Variants in CLASP2 observed in about 807,000 individuals in gnomAD.
CLASP2 encodes the protein cytoplasmic linker associated protein 2.
Under a neutral mutation model 194.4 loss-of-function variants are expected in CLASP2, and 47 were observed. The observed-to-expected ratio is 0.24, with a 90% CI of 0.19 to 0.31. The LOEUF (loss-of-function observed/expected upper bound fraction) is 0.31, where lower values mean the gene tolerates loss of function less well. Among genes scored for constraint, CLASP2 ranks in the 10% least tolerant of loss-of-function variants. The pLI is 1.00. For synonymous variants in CLASP2, 619 were observed against 633.5 expected (o/e 0.98, Z 0.34); for missense variants, 1,445 against 1,823.6 (o/e 0.79, Z 3.78).
intron 33 of CLASP2, among the ~76,000 whole-genome samples, chr3:33,538,234 A>G (rs1016481471): frequency 6.6e-6 from 1 of 152,122 alleles, no homozygotes; most frequent in Admixed American, 6.5e-5. Context: ...CTAGTCCTCA[A>G]CTATACAAAG....
At chr3:33,586,551 G>A (rs1424735381) in intron 21 of CLASP2, among the ~76,000 whole-genome samples, 1 of 152,112 alleles carries the variant, frequency 6.6e-6, no homozygotes, top group Non-Finnish European at 1.5e-5. Context: ...TTAAAAACAT[G>A]TTTTTAAACT....
At chr3:33,577,320 G>T in intron 23 of CLASP2, 2 of 1,398,876 alleles carry the variant, frequency 1.4e-6, no homozygotes, top group Non-Finnish European at 1.0e-6. Context: ...AAGGAATAGT[G>T]GCAGCACTAC....
At chr3:33,706,830 T>A (rs1240129764) in intron 1 of CLASP2, among the ~76,000 whole-genome samples, 1 of 151,862 alleles carries the variant, frequency 6.6e-6, no homozygotes, top group Non-Finnish European at 1.5e-5. Flanking sequence ...TTGGGCATGG[T>A]GGTGTGCGCC....
At chr3:33,537,552 A>T (rs1044340644) in intron 33 of CLASP2, among the ~76,000 whole-genome samples, 3 of 152,198 alleles carry the variant, frequency 2.0e-5, no homozygotes, top group Non-Finnish European at 4.4e-5. Context: ...AAAGTAAAAA[A>T]CTATTCTGTG....
At chr3:33,602,755 A>G in intron 18 of CLASP2, 197 bp downstream of exon 18, 1 of 688,662 alleles carries the variant, frequency 1.5e-6, no homozygotes, top group South Asian at 1.6e-5. Flanking sequence ...GATCAAGACG[A>G]TGATGAGAAC....
chr3:33,571,125 T>C (rs946623488), intron 25 of CLASP2, among the ~76,000 whole-genome samples: 3 of 150,692 alleles, frequency 2.0e-5, no homozygotes, highest in Admixed American at 1.3e-4. Context: ...GCCATTCTCC[T>C]GCCTCAGCCT....
At chr3:33,684,148 G>A (rs2090274022) in intron 6 of CLASP2, among the ~76,000 whole-genome samples, 1 of 151,680 alleles carries the variant, frequency 6.6e-6, no homozygotes, top group South Asian at 2.1e-4. Flanking sequence ...GGGAGGCTGA[G>A]GCAGAAGAAT....
In CLASP2 at chr3:33,596,723, C is replaced by A; in HGVS notation, c.1936G>T (p.Asp646Tyr). ...GSYASLEDTSDKLDGTASEDG... is the reference protein window; with the variant it reads ...GSYASLEDTSYKLDGTASEDG... ...AGGAAGTTCTTACCATCCAGCTTGT[C>A]AGAAGTATCCTCTTTGATGAAAGCA... The change falls in exon 19 of 39, where the codon GAC becomes TAC. Residue 646 changes from aspartate to tyrosine, a missense_variant. Asp to Tyr is a radical substitution (Grantham distance 160). Coordinates refer to ENST00000682230, the MANE Select transcript of CLASP2 (RefSeq NM_001365631.1). 1 of 1,567,510 alleles carries A rather than the reference C, an allele frequency of 6.4e-7. No homozygotes were observed. Among genetic ancestry groups the A allele is most frequent in the East Asian group, 2.3e-5 (1 of 42,764 alleles).
chr3:33,510,600 G>T lies in CLASP2; in HGVS notation c.4275C>A (p.Thr1425=), dbSNP rs747386825. ...TKVIERVSKE[T]LNLLLPEIMP... ...TAATCTCTGGCAAAAGCAGGTTTAGGGTTTCCTTGGACACTCTCTCTATCA... is the reference window on the plus strand; with the variant it reads ...TAATCTCTGGCAAAAGCAGGTTTAGTGTTTCCTTGGACACTCTCTCTATCA... The change falls in exon 37 of 39, where the codon ACC becomes ACA. Residue 1425 remains threonine (T), a synonymous_variant. Coordinates refer to ENST00000682230, the MANE Select transcript of CLASP2 (RefSeq NM_001365631.1). 2 of 1,613,820 alleles carry T rather than the reference G, an allele frequency of 1.2e-6. No homozygotes were observed. The highest frequency in any genetic ancestry group is 1.7e-6 in the Non-Finnish European group (2 of 1,179,866).
chr3:33,670,563 T>G (rs140840597), intron 6 of CLASP2, among the ~76,000 whole-genome samples: 35 of 152,286 alleles, frequency 2.3e-4, no homozygotes, highest in East Asian at 1.5e-3. Flanking sequence ...CTTAGATCTG[T>G]AAGAAAAGTG....
intron 21 of CLASP2, 27 bp downstream of exon 21, chr3:33,592,368 A>G (rs753737165): frequency 6.8e-7 from 1 of 1,460,524 alleles, no homozygotes; most frequent in South Asian, 1.2e-5. Flanking sequence ...AGTGACAAAT[A>G]TAGGAGGGCT....
intron 6 of CLASP2, among the ~76,000 whole-genome samples, chr3:33,672,849 A>T (rs2087639910): frequency 6.6e-6 from 1 of 152,212 alleles, no homozygotes; most frequent in Admixed American, 6.5e-5. Context: ...TCAGTGATGG[A>T]AGATGAAATG....
intron 6 of CLASP2, among the ~76,000 whole-genome samples, chr3:33,669,260 C>CAACA (rs1250427614): frequency 3.9e-5 from 6 of 151,990 alleles, no homozygotes; most frequent in Non-Finnish European, 7.4e-5. Flanking sequence ...TTGCATTTGC[C>CAACA]AACAAACAAA....
intron 1 of CLASP2, among the ~76,000 whole-genome samples, chr3:33,706,648 C>T (rs2092699056): frequency 1.3e-5 from 2 of 152,090 alleles, no homozygotes; most frequent in South Asian, 4.1e-4. Context: ...GAACTCATGA[C>T]ATATTTTTCT....
intron 1 of CLASP2, among the ~76,000 whole-genome samples, chr3:33,704,690 T>C (rs538654218): frequency 2.0e-5 from 3 of 151,892 alleles, no homozygotes; most frequent in Non-Finnish European, 2.9e-5. Flanking sequence ...GAGGTGGAGG[T>C]TGCAGTGAGC....
intron 34 of CLASP2, among the ~76,000 whole-genome samples, chr3:33,530,157 T>C (rs975213980): frequency 6.6e-6 from 1 of 151,446 alleles, no homozygotes; most frequent in Admixed American, 6.6e-5. Context: ...TCTAAAATAG[T>C]GATGAAAAGT....
intron 13 of CLASP2, among the ~76,000 whole-genome samples, chr3:33,611,180 G>A (rs1169387323): frequency 6.6e-6 from 1 of 152,056 alleles, no homozygotes. Context: ...AAAGGCTATC[G>A]CAACCTTACA....
At chr3:33,705,035 A>G (rs547411324) in intron 1 of CLASP2, among the ~76,000 whole-genome samples, 59 of 152,102 alleles carry the variant, frequency 3.9e-4, no homozygotes, top group Non-Finnish European at 1.3e-4. Context: ...CAGGAATTCC[A>G]CTCTTAGGTA....
chr3:33,516,248 G>A (rs2051280188), intron 35 of CLASP2, 97 bp from the exon 36 acceptor site: 1 of 1,174,406 alleles, frequency 8.5e-7, no homozygotes, highest in Non-Finnish European at 1.2e-6. Context: ...TATTGGGGGA[G>A]GAGTTGTAGA....
Sources: gnomAD v4.1 joint callset for allele counts (sites outside exome capture counted in the v4.1 genomes callset) on GRCh38, gnomAD v4.1.1 for gene constraint, MANE v1.5 for transcripts, NCBI Gene and HGNC (gene_info 2026-07-23, HGNC 2026-07-21) for gene names.